The following RANBP2 variants were observed in gnomAD, a reference collection of about 807,000 sequenced individuals.
RANBP2 encodes RAN binding protein 2.
RANBP2 carries 57 observed loss-of-function variants against 303.6 expected under a neutral mutation model. The observed-to-expected ratio is 0.19, with a 90% CI of 0.15 to 0.23. The LOEUF is 0.23. Among genes scored for constraint, RANBP2 ranks in the 10% least tolerant of loss-of-function variants. The probability of loss-of-function intolerance (pLI) is 1.00; values close to 1 mark genes in which losing one functional copy is unlikely to be tolerated. For missense variants in RANBP2, 3,138 were observed against 3,780.8 expected (o/e 0.83, Z 4.46); for synonymous variants, 1,167 against 1,301.5 (o/e 0.90, Z 2.23).
the RANBP2 span, among the ~76,000 whole-genome samples, chr2:108,958,413 AAAAAAAC>A: frequency 1.3e-4 from 19 of 151,714 alleles, no homozygotes; most frequent in Non-Finnish European, 1.9e-4. Flanking sequence ...CAGCAGGAAA[AAAAAAAC>A]AAAAAACAAA....
chr2:109,497,315 G>A, the RANBP2 span, among the ~76,000 whole-genome samples: 1 of 152,260 alleles, frequency 6.6e-6, no homozygotes, highest in East Asian at 1.9e-4. Context: ...TGGAGCAAGT[G>A]CTCTGAAAAG....
At chr2:109,423,779 A>G in the RANBP2 span, among the ~76,000 whole-genome samples, 1 of 152,112 alleles carries the variant, frequency 6.6e-6, no homozygotes, top group Non-Finnish European at 1.5e-5. Context: ...TCAGGATATT[A>G]CAGACAGATG....
At chr2:109,347,019 G>A in the RANBP2 span, among the ~76,000 whole-genome samples, 1 of 152,250 alleles carries the variant, frequency 6.6e-6, no homozygotes, top group South Asian at 2.1e-4. Flanking sequence ...CATCATCCTC[G>A]TGTGTGTACC....
At chr2:109,545,035 G>T in the RANBP2 span, 4 of 985,368 alleles carry the variant, frequency 4.1e-6, no homozygotes, top group South Asian at 1.4e-4. Context: ...AGCCACCAAT[G>T]GGCCAAGGTT....
chr2:109,562,128 G>A, the RANBP2 span, among the ~76,000 whole-genome samples: 4 of 152,040 alleles, frequency 2.6e-5, no homozygotes, highest in South Asian at 2.1e-4. Flanking sequence ...CATGAGAATC[G>A]CTTGAACCCA....
chr2:109,105,777 G>A, the RANBP2 span, among the ~76,000 whole-genome samples: 33 of 151,188 alleles, frequency 2.2e-4, no homozygotes, highest in Middle Eastern at 3.5e-3. Flanking sequence ...GGCTGGTCTC[G>A]AACTCCTGAC....
chr2:109,601,783 C>T, the RANBP2 span, among the ~76,000 whole-genome samples: 1 of 149,354 alleles, frequency 6.7e-6, no homozygotes, highest in Non-Finnish European at 1.5e-5. Flanking sequence ...AAAAAAGCAA[C>T]TAAATCTTCC....
At chr2:109,434,843 A>T in the RANBP2 span, among the ~76,000 whole-genome samples, 5 of 152,218 alleles carry the variant, frequency 3.3e-5, no homozygotes, top group African/African-American at 1.2e-4. Flanking sequence ...GGTGCTCAAT[A>T]AATGCAGATC....
chr2:109,598,648 G>A, the RANBP2 span, among the ~76,000 whole-genome samples: 4 of 151,944 alleles, frequency 2.6e-5, no homozygotes, highest in African/African-American at 9.7e-5. Context: ...GTCAACACCA[G>A]CCTGGCCAAC....
At chr2:108,872,450 A>C in the RANBP2 span, among the ~76,000 whole-genome samples, 1 of 152,198 alleles carries the variant, frequency 6.6e-6, no homozygotes, top group Non-Finnish European at 1.5e-5. Context: ...AGTTATATGC[A>C]AAAGGCACAT....
At chr2:109,398,594 A>G in the RANBP2 span, 6 of 1,560,416 alleles carry the variant, frequency 3.8e-6, no homozygotes, top group Non-Finnish European at 4.3e-6. Flanking sequence ...ACTCAGCTCA[A>G]TGACTCCGCC....
chr2:108,846,968 A>T, the RANBP2 span: 1 of 1,123,936 alleles, frequency 8.9e-7, no homozygotes, highest in Non-Finnish European at 1.3e-6. Context: ...ATTTTGAGAA[A>T]CAATAGAGAA....
the RANBP2 span, among the ~76,000 whole-genome samples, chr2:109,465,426 A>T: frequency 5.9e-5 from 9 of 152,198 alleles, no homozygotes; most frequent in Non-Finnish European, 2.9e-5. Context: ...AAGTGGCTGC[A>T]CCATTTTGCT....
the RANBP2 span, among the ~76,000 whole-genome samples, chr2:109,590,071 CACATAT>C: frequency 2.1e-3 from 316 of 147,922 alleles, no homozygotes; most frequent in Non-Finnish European, 3.6e-3. Flanking sequence ...TATATACACA[CACATAT>C]ATATGTATAT....
the RANBP2 span, among the ~76,000 whole-genome samples, chr2:109,700,341 C>G: frequency 3.3e-5 from 5 of 152,230 alleles, no homozygotes; most frequent in Admixed American, 3.3e-4. Flanking sequence ...TGATGACGTA[C>G]CTAAGGTGGT....
the RANBP2 span, among the ~76,000 whole-genome samples, chr2:109,664,194 A>T: frequency 6.6e-6 from 1 of 152,330 alleles, no homozygotes; most frequent in South Asian, 2.1e-4. Context: ...AAATGCCATC[A>T]CTCGATTTCC....
At chr2:109,689,765 C>G in the RANBP2 span, among the ~76,000 whole-genome samples, 1 of 152,082 alleles carries the variant, frequency 6.6e-6, no homozygotes, top group African/African-American at 2.4e-5. Flanking sequence ...GAAATTTCAT[C>G]CATATGGGTT....
the RANBP2 span, among the ~76,000 whole-genome samples, chr2:108,991,294 TTCA>T: frequency 6.6e-6 from 1 of 152,272 alleles, no homozygotes; most frequent in African/African-American, 2.4e-5. Flanking sequence ...ATTGCTTATC[TTCA>T]TCATGTAAAG....
At chr2:109,595,338 A>G in the RANBP2 span, among the ~76,000 whole-genome samples, 7 of 152,334 alleles carry the variant, frequency 4.6e-5, no homozygotes, top group African/African-American at 1.2e-4. Context: ...TATGTAAATG[A>G]TACAAAGCAC....
Sources: gnomAD v4.1 joint callset for allele counts (sites outside exome capture counted in the v4.1 genomes callset) on GRCh38, gnomAD v4.1.1 for gene constraint, MANE v1.5 for transcripts, NCBI Gene and HGNC (gene_info 2026-07-23, HGNC 2026-07-21) for gene names.